Variants in SLC9A9 observed in about 807,000 individuals in gnomAD.
SLC9A9 encodes the protein solute carrier family 9 member A9.
A neutral mutation model predicts 77.8 loss-of-function variants in SLC9A9; 62 were observed. The ratio of observed to expected loss-of-function variants is 0.80; its 90% CI spans 0.65 to 0.98. The LOEUF (loss-of-function observed/expected upper bound fraction) is 0.98. Among genes scored for constraint, SLC9A9 ranks in the 50% least tolerant of loss-of-function variants. The pLI, the probability that SLC9A9 is intolerant of heterozygous loss-of-function variation, is 0.00. For synonymous variants in SLC9A9, 320 were observed against 283.5 expected, an observed-to-expected ratio of 1.13 and a Z score of -1.29; for missense variants, 775 against 774.9, an observed-to-expected ratio of 1.00 and a Z score of 0.00.
intron 4 of SLC9A9, among the ~76,000 whole-genome samples, chr3:143,787,984 T>A (rs552290443): frequency 1.1e-3 from 169 of 152,192 alleles, no homozygotes; most frequent in Admixed American, 2.2e-3. Flanking sequence ...CTACAAGATA[T>A]ACAGACTTAT....
chr3:143,652,486 AC>A, intron 5 of SLC9A9, 126 bp from the exon 6 acceptor site: 1 of 743,700 alleles, frequency 1.3e-6, no homozygotes, highest in Middle Eastern at 2.3e-4. Context: ...CTATACTAAC[AC>A]CAGACCTTTA....
chr3:143,602,733 C>T (rs1192384948), intron 6 of SLC9A9, among the ~76,000 whole-genome samples: 1 of 152,158 alleles, frequency 6.6e-6, no homozygotes, highest in Non-Finnish European at 1.5e-5. Context: ...GTTGCTGAAG[C>T]TACCCGTACA....
At chr3:143,847,906 A>T (rs776375266) in intron 1 of SLC9A9, 29 of 561,428 alleles carry the variant, frequency 5.2e-5, no homozygotes, top group Non-Finnish European at 9.3e-5. Flanking sequence ...GCATCTGTCA[A>T]CAGACTTGCA....
chr3:143,604,160 A>AT (rs913629795), intron 6 of SLC9A9, among the ~76,000 whole-genome samples: 5 of 151,970 alleles, frequency 3.3e-5, no homozygotes, highest in Non-Finnish European at 7.4e-5. Flanking sequence ...CCAGATACAC[A>AT]TTTTTTTTAA....
chr3:143,680,863 A>T (rs924386207), intron 5 of SLC9A9, among the ~76,000 whole-genome samples: 3 of 152,154 alleles, frequency 2.0e-5, no homozygotes, highest in African/African-American at 7.2e-5. Flanking sequence ...CGTGAACTAC[A>T]TCAATAAGTT....
At chr3:143,384,849 G>A (rs1309210662) in intron 12 of SLC9A9, among the ~76,000 whole-genome samples, 6 of 152,174 alleles carry the variant, frequency 3.9e-5, no homozygotes, top group Non-Finnish European at 8.8e-5. Context: ...CAGGGCATAC[G>A]ATTCGGGAGG....
At position 143,308,348 on chromosome 3, in the gene SLC9A9, G is replaced by A. The variant is rs572661319; in HGVS notation, c.1605-39368C>T. 1.7e-3 allele frequency among the ~76,000 whole-genome samples: 263 copies of A among 152,192 alleles called. 1 individual carries two copies. In the Middle Eastern group the frequency reaches 0.024, roughly 14 times the overall value. ...TCCTAGCACTTTGGGAGGCCGAGGC[G>A]GGCGGATCACGAGGCCAGGAGATCG... On this transcript the variant is annotated intron_variant, in intron 14 of 15. Coordinates refer to ENST00000316549, the MANE Select transcript of SLC9A9 (RefSeq NM_173653.4).
At chr3:143,611,027 A>G (rs1683344793) in intron 6 of SLC9A9, among the ~76,000 whole-genome samples, 2 of 152,208 alleles carry the variant, frequency 1.3e-5, no homozygotes, top group South Asian at 4.1e-4. Context: ...TGCCAAAAAA[A>G]ACTTCCAAAA....
chr3:143,761,140 T>C (rs1223038013), intron 4 of SLC9A9, among the ~76,000 whole-genome samples: 1 of 152,222 alleles, frequency 6.6e-6, no homozygotes, highest in South Asian at 2.1e-4. Flanking sequence ...GCTAGCCATA[T>C]GTAGAAAGCT....
chr3:143,498,017 G>A (rs1333530854), intron 9 of SLC9A9, among the ~76,000 whole-genome samples: 1 of 152,084 alleles, frequency 6.6e-6, no homozygotes, highest in Admixed American at 6.5e-5. Flanking sequence ...CATTTTACAT[G>A]GAGGCCCATA....
Position 143,558,022 on chromosome 3 carries a change from G to GA in SLC9A9, c.1001-5573dup, listed in dbSNP as rs1177495916. Reference sequence around the variant, plus strand: ...CCATCACAGGCCTGGAGGCCTAGGAGAAAAAAATGGTTTAATGGGCCTGGC... The same window carrying GA: ...CCATCACAGGCCTGGAGGCCTAGGAGAAAAAAAATGGTTTAATGGGCCTGGC... On this transcript the variant is annotated intron_variant, in intron 8 of 15. Coordinates refer to ENST00000316549, the MANE Select transcript of SLC9A9 (RefSeq NM_173653.4). 1.8e-4 allele frequency among the ~76,000 whole-genome samples: 27 copies of GA among 152,184 alleles called. 1 individual carries two copies. Among genetic ancestry groups the GA allele is most frequent in the Admixed American group, 7.2e-4 (11 of 15,282 alleles).
chr3:143,660,624 C>T (rs1242057), intron 5 of SLC9A9, among the ~76,000 whole-genome samples: 26,970 of 152,148 alleles, frequency 0.18, 2,977 homozygotes, highest in African/African-American at 0.32. Context: ...GCTAAGTTTG[C>T]GGTAATTTCT....
At chr3:143,310,502 C>G (rs1200241326) in intron 14 of SLC9A9, among the ~76,000 whole-genome samples, 1 of 123,294 alleles carries the variant, frequency 8.1e-6, no homozygotes, top group East Asian at 2.3e-4. Context: ...GTGGCCTTTA[C>G]AAAACAAAAC....
intron 9 of SLC9A9, among the ~76,000 whole-genome samples, chr3:143,544,438 A>G (rs1418882185): frequency 6.6e-6 from 1 of 152,096 alleles, no homozygotes; most frequent in Non-Finnish European, 1.5e-5. Context: ...TGTGTTAGCC[A>G]GGATGGTCTC....
intron 14 of SLC9A9, among the ~76,000 whole-genome samples, chr3:143,303,463 A>G (rs2030627031): frequency 6.6e-6 from 1 of 151,922 alleles, no homozygotes. Context: ...GTGAAACAGC[A>G]TGCTATCCAA....
chr3:143,702,412 A>G (rs1933828984), intron 4 of SLC9A9, among the ~76,000 whole-genome samples: 1 of 152,150 alleles, frequency 6.6e-6, no homozygotes. Flanking sequence ...AAAAGTTAAA[A>G]AACAGGAGGA....
At chr3:143,432,182 T>C (rs1440144410) in intron 12 of SLC9A9, among the ~76,000 whole-genome samples, 4 of 152,240 alleles carry the variant, frequency 2.6e-5, no homozygotes, top group African/African-American at 4.8e-5. Context: ...TTTTTGTTTA[T>C]TTCAAATGCT....
intron 6 of SLC9A9, among the ~76,000 whole-genome samples, chr3:143,591,853 C>A (rs538701889): frequency 6.6e-6 from 1 of 152,260 alleles, no homozygotes; most frequent in African/African-American, 2.4e-5. Context: ...AACATGTAGA[C>A]TGGAAGACTA....
intron 12 of SLC9A9, among the ~76,000 whole-genome samples, chr3:143,443,737 G>A (rs760260218): frequency 1.6e-4 from 25 of 152,208 alleles, no homozygotes; most frequent in Admixed American, 2.6e-4. Flanking sequence ...ATGCTATCAT[G>A]TTTAAGTTTG....
Sources: gnomAD v4.1 joint callset for allele counts (sites outside exome capture counted in the v4.1 genomes callset) on GRCh38, gnomAD v4.1.1 for gene constraint, MANE v1.5 for transcripts, NCBI Gene and HGNC (gene_info 2026-07-23, HGNC 2026-07-21) for gene names.